The following NRXN3 variants were observed in gnomAD, a reference collection of about 807,000 sequenced individuals.
The protein encoded by NRXN3 is neurexin III.
In NRXN3, 32 loss-of-function variants were observed where a neutral mutation model predicts 137.6. The observed-to-expected ratio is 0.23, with a 90% CI of 0.18 to 0.31. The LOEUF (loss-of-function observed/expected upper bound fraction) is 0.31, where lower values mean the gene tolerates loss of function less well. NRXN3 is among the 10% of genes least tolerant of loss of function. The pLI is 1.00. For synonymous variants in NRXN3, 798 were observed against 784.5 expected, an observed-to-expected ratio of 1.02 and a Z score of -0.29; for missense variants, 1,574 against 2,062.5, an observed-to-expected ratio of 0.76 and a Z score of 4.59.
At position 79,359,282 on chromosome 14, in the gene NRXN3, G is replaced by T. The variant is rs1054207573; in HGVS notation, c.3263-107939G>T. Among the ~76,000 whole-genome samples the T allele has an allele frequency of 2.7e-3, 410 of 152,074 alleles. 2 individuals are homozygous for T. The highest frequency in any genetic ancestry group is 9.4e-3 in the African/African-American group (389 of 41,480). ...TCTGTGGAAGTCACCTTCAGAGTAAGGGTGGGGGTGACTGTCCTTGCCAAT... is the reference window on the plus strand; with the variant it reads ...TCTGTGGAAGTCACCTTCAGAGTAATGGTGGGGGTGACTGTCCTTGCCAAT... On this transcript the variant is annotated intron_variant, in intron 15 of 20. Coordinates refer to ENST00000335750, the MANE Select transcript of NRXN3 (RefSeq NM_001330195.2).
intron 4 of NRXN3, among the ~76,000 whole-genome samples, chr14:78,466,343 T>C (rs2095106309): frequency 6.6e-6 from 1 of 152,176 alleles, no homozygotes; most frequent in South Asian, 2.1e-4. Context: ...TGAGTGTCTG[T>C]ACAAAGGGAT....
chr14:78,299,712 A>G (rs897925903), intron 4 of NRXN3, among the ~76,000 whole-genome samples: 2 of 152,196 alleles, frequency 1.3e-5, no homozygotes, highest in Non-Finnish European at 2.9e-5. Context: ...CAACACTGGT[A>G]TGAAAAACAT....
At chr14:79,139,376 G>A (rs6574496) in intron 15 of NRXN3, among the ~76,000 whole-genome samples, 149,691 of 152,320 alleles carry the variant, frequency 0.98, 73,609 homozygotes, top group Middle Eastern at 1. Context: ...ATGCATGCAT[G>A]TTGTTACTTG....
At position 78,243,439 on chromosome 14, in the gene NRXN3, C is replaced by T. The variant is rs751480898; in HGVS notation, c.346C>T (p.Arg116Cys). The T allele has an allele frequency of 1.0e-5, 16 of 1,570,936 alleles. No individual in the cohort carries two copies. The highest frequency in any genetic ancestry group is 6.9e-5 in the East Asian group (3 of 43,510). The change falls in exon 2 of 21, where the codon CGT (arginine) becomes TGT (cysteine). Residue 116 changes from arginine (R) to cysteine (C), a missense_variant. Transcript: ENST00000335750. This position sits in a 1 kb window ranked among gnomAD's most constrained non-coding sequence, Gnocchi z 4.2. ...DSSWHFLMVSRDRLRTVLMLD... is the reference protein window; with the variant it reads ...DSSWHFLMVSCDRLRTVLMLD... ...CAGCTGGCACTTCCTCATGGTGAGC[C>T]GTGACCGCCTGCGCACGGTGCTGAT...
chr14:79,514,883 A>G (rs2096967411), intron 16 of NRXN3, among the ~76,000 whole-genome samples: 1 of 141,558 alleles, frequency 7.1e-6, no homozygotes, highest in South Asian at 2.1e-4. Flanking sequence ...GTTTTCTCTC[A>G]CCGATTCTGT....
Position 79,577,233 on chromosome 14 carries a change from C to T in NRXN3, c.3445-86545C>T, listed in dbSNP as rs185341800. On this transcript the variant is annotated intron_variant, in intron 16 of 20. Coordinates refer to ENST00000335750, the MANE Select transcript of NRXN3 (RefSeq NM_001330195.2). ...AACCTGTTTTTCTTTATCAATTACCCGGTCTCAGATATGTCTTTATTAGCA... is the reference window on the plus strand; with the variant it reads ...AACCTGTTTTTCTTTATCAATTACCTGGTCTCAGATATGTCTTTATTAGCA... 6.1e-4 allele frequency among the ~76,000 whole-genome samples: 93 copies of T among 152,214 alleles called. 1 individual carries two copies. The East Asian group carries it at 0.014, about 24-fold the overall frequency.
chr14:78,552,612 C>A (rs1000967892), intron 4 of NRXN3, among the ~76,000 whole-genome samples: 1 of 152,082 alleles, frequency 6.6e-6, no homozygotes, highest in Non-Finnish European at 1.5e-5. Context: ...GCTGCAGTGA[C>A]CTGTGATCAC....
intron 19 of NRXN3, among the ~76,000 whole-genome samples, chr14:79,777,395 T>C (rs965209341): frequency 6.6e-6 from 1 of 151,846 alleles, no homozygotes; most frequent in African/African-American, 2.4e-5. Flanking sequence ...TCCATCTGAG[T>C]TGGGGAGCAG....
intron 15 of NRXN3, among the ~76,000 whole-genome samples, chr14:79,184,318 C>T (rs1445232427): frequency 6.6e-6 from 1 of 152,166 alleles, no homozygotes; most frequent in Non-Finnish European, 1.5e-5. Flanking sequence ...GAAGATGATT[C>T]ATGCTTATTG....
chr14:78,441,918 A>G (rs2094263127), intron 4 of NRXN3, among the ~76,000 whole-genome samples: 1 of 151,978 alleles, frequency 6.6e-6, no homozygotes, highest in African/African-American at 2.4e-5. Context: ...AGCATGGTGA[A>G]ACCCTGTCTC....
At chr14:79,462,861 A>AATGTATAGGTATATGTACATACACAT (rs2096367642) in intron 15 of NRXN3, among the ~76,000 whole-genome samples, 1 of 140,778 alleles carries the variant, frequency 7.1e-6, no homozygotes, top group South Asian at 2.2e-4. Flanking sequence ...ATACACAATG[A>AATGTATAGGTATATGTACATACACAT]ATGTATATGT....
chr14:78,763,493 AT>A (rs1336435676), intron 8 of NRXN3, among the ~76,000 whole-genome samples: 4 of 151,316 alleles, frequency 2.6e-5, no homozygotes, highest in African/African-American at 9.7e-5. Flanking sequence ...TATGATTCTA[AT>A]TTATTTTATA....
At chr14:79,394,369 G>A (rs1045807875) in intron 15 of NRXN3, among the ~76,000 whole-genome samples, 1 of 152,134 alleles carries the variant, frequency 6.6e-6, no homozygotes, top group Non-Finnish European at 1.5e-5. Flanking sequence ...GATTAGTCAG[G>A]TACACTTCTT....
Position 78,552,859 on chromosome 14 carries a change from AT to A in NRXN3, c.758-92260del, listed in dbSNP as rs533741909. ...AAATAGCTAGAAGAGAATAATTTGAATGTTTCTAGCATTAAGAAAATATTAA... is the reference window on the plus strand; with the variant it reads ...AAATAGCTAGAAGAGAATAATTTGAAGTTTCTAGCATTAAGAAAATATTAA... On this transcript the variant is annotated intron_variant, in intron 4 of 20. Transcript: ENST00000335750. 8.7e-4 allele frequency among the ~76,000 whole-genome samples: 132 copies of A among 152,350 alleles called. 1 individual carries two copies. The highest frequency in any genetic ancestry group is 3.9e-3 in the South Asian group (19 of 4,830).
chr14:79,284,354 A>G (rs1284960585), intron 15 of NRXN3, among the ~76,000 whole-genome samples: 1 of 108,844 alleles, frequency 9.2e-6, no homozygotes, highest in Admixed American at 8.4e-5. Context: ...ATATATATAT[A>G]TATATATATA....
At chr14:79,552,043 G>A (rs531144169) in intron 16 of NRXN3, among the ~76,000 whole-genome samples, 3 of 152,294 alleles carry the variant, frequency 2.0e-5, no homozygotes, top group South Asian at 4.1e-4. Flanking sequence ...TGGTTCATTA[G>A]AAATGGCAAA....
intron 15 of NRXN3, among the ~76,000 whole-genome samples, chr14:79,042,107 T>C: frequency 6.6e-6 from 1 of 152,198 alleles, no homozygotes. Context: ...TTGTCATTTA[T>C]CTAACCAAAC....
chr14:79,579,553 C>A (rs1005506575), intron 16 of NRXN3, among the ~76,000 whole-genome samples: 1 of 151,568 alleles, frequency 6.6e-6, no homozygotes, highest in Non-Finnish European at 1.5e-5. Flanking sequence ...TTTAAATAAT[C>A]GGTAATAGAA....
chr14:79,318,411 C>T (rs1305817917), intron 15 of NRXN3, among the ~76,000 whole-genome samples: 2 of 152,070 alleles, frequency 1.3e-5, no homozygotes, highest in South Asian at 2.1e-4. Flanking sequence ...GAGTAGATCT[C>T]GGATTTGCTT....
Sources: gnomAD v4.1 joint callset for allele counts (sites outside exome capture counted in the v4.1 genomes callset) on GRCh38, gnomAD v4.1.1 for gene constraint, Gnocchi (gnomAD v3.1) non-coding constraint, MANE v1.5 for transcripts, NCBI Gene and HGNC (gene_info 2026-07-23, HGNC 2026-07-21) for gene names.